The following C12orf42 variants were observed in gnomAD, a reference collection of about 807,000 sequenced individuals.
The protein encoded by C12orf42 is uncharacterized protein C12orf42.
Under a neutral mutation model 21.6 loss-of-function variants are expected in C12orf42, and 25 were observed. The ratio of observed to expected loss-of-function variants is 1.16; its 90% CI spans 0.84 to 1.62. The LOEUF is 1.62. Among genes scored for constraint, C12orf42 ranks in the 40% most tolerant of loss-of-function variants. The pLI is 0.00. For missense variants in C12orf42, 483 were observed against 459.3 expected, an observed-to-expected ratio of 1.05 and a Z score of -0.47; for synonymous variants, 174 against 175.0, an observed-to-expected ratio of 0.99 and a Z score of 0.05.
intron 2 of C12orf42, among the ~76,000 whole-genome samples, chr12:103,403,594 A>T (rs546035355): frequency 6.6e-6 from 1 of 152,290 alleles, no homozygotes; most frequent in East Asian, 1.9e-4. Flanking sequence ...CCTCTGTTGG[A>T]TTATCAGCAT....
chr12:103,467,254 T>C (rs909595837), intron 2 of C12orf42, among the ~76,000 whole-genome samples: 4 of 152,238 alleles, frequency 2.6e-5, no homozygotes, highest in Non-Finnish European at 5.9e-5. Context: ...TTATTAAATA[T>C]GCACATATTG....
chr12:103,252,119 C>G (rs189386887), intron 10 of C12orf42, among the ~76,000 whole-genome samples: 60 of 151,886 alleles, frequency 4.0e-4, no homozygotes, highest in Middle Eastern at 3.4e-3. Flanking sequence ...CTCTCTCCCC[C>G]CAAAAATTCT....
chr12:103,488,917 G>A (rs1278606087), intron 1 of C12orf42, among the ~76,000 whole-genome samples: 1 of 152,130 alleles, frequency 6.6e-6, no homozygotes, highest in Non-Finnish European at 1.5e-5. Context: ...GCTTAGAGAA[G>A]TTATTAAAGA....
intron 10 of C12orf42, among the ~76,000 whole-genome samples, chr12:103,261,196 T>G (rs2034882715): frequency 6.6e-6 from 1 of 152,094 alleles, no homozygotes; most frequent in African/African-American, 2.4e-5. Context: ...TGGGGCCAGA[T>G]GCAGTGGCTC....
chr12:103,353,918 T>C (rs557939370), intron 4 of C12orf42, among the ~76,000 whole-genome samples: 1 of 152,242 alleles, frequency 6.6e-6, no homozygotes, highest in South Asian at 2.1e-4. Flanking sequence ...ACTTTGGATA[T>C]GCCAAAGAAA....
intron 2 of C12orf42, among the ~76,000 whole-genome samples, chr12:103,452,066 G>A (rs1376669945): frequency 1.3e-5 from 2 of 151,812 alleles, no homozygotes; most frequent in Non-Finnish European, 2.9e-5. Flanking sequence ...GCCAGATGAA[G>A]CCAAACTTAT....
At chr12:103,256,803 A>T (rs980610721) in intron 10 of C12orf42, among the ~76,000 whole-genome samples, 2 of 152,324 alleles carry the variant, frequency 1.3e-5, no homozygotes, top group South Asian at 4.1e-4. Flanking sequence ...GTTGGGGAAG[A>T]TAACCAAGAA....
At chr12:103,288,334 A>G (rs923516396) in intron 4 of C12orf42, among the ~76,000 whole-genome samples, 2 of 152,182 alleles carry the variant, frequency 1.3e-5, no homozygotes, top group Non-Finnish European at 1.5e-5. Flanking sequence ...TTCAGTGCAA[A>G]TTGTGTAGAG....
intron 4 of C12orf42, among the ~76,000 whole-genome samples, chr12:103,363,064 A>G (rs2044256438): frequency 6.6e-6 from 1 of 152,140 alleles, no homozygotes; most frequent in Non-Finnish European, 1.5e-5. Flanking sequence ...CCTAAAGTCA[A>G]GATAAAGGAA....
the C12orf42 span, among the ~76,000 whole-genome samples, chr12:103,147,503 C>CTTTTTTTTTTTTTTTTTTTTT: frequency 2.0e-5 from 2 of 99,962 alleles, no homozygotes; most frequent in African/African-American, 4.0e-5. Flanking sequence ...CTTTTTTTTT[C>CTTTTTTTTTTTTTTTTTTTTT]TTTTTTTTTT....
At chr12:103,289,345 G>T (rs2036655088) in intron 4 of C12orf42, among the ~76,000 whole-genome samples, 1 of 152,004 alleles carries the variant, frequency 6.6e-6, no homozygotes, top group African/African-American at 2.4e-5. Flanking sequence ...CATTTTTTAA[G>T]TTCTGTGAGT....
At chr12:103,376,706 A>G (rs2045728332) in intron 3 of C12orf42, among the ~76,000 whole-genome samples, 1 of 152,034 alleles carries the variant, frequency 6.6e-6, no homozygotes, top group African/African-American at 2.4e-5. Context: ...ATCTCTGAAA[A>G]CTTTTATGAT....
intron 2 of C12orf42, among the ~76,000 whole-genome samples, chr12:103,471,147 C>T (rs984360008): frequency 1.3e-5 from 2 of 152,148 alleles, no homozygotes. Context: ...TTGTGGGCTA[C>T]CAGTGTCCCC....
chr12:103,513,973 A>T, the C12orf42 span, among the ~76,000 whole-genome samples: 1 of 152,260 alleles, frequency 6.6e-6, no homozygotes, highest in Non-Finnish European at 1.5e-5. Flanking sequence ...TTGTGAATAA[A>T]GACAAAACCG....
At chr12:103,545,651 AC>A in the C12orf42 span, among the ~76,000 whole-genome samples, 1 of 152,250 alleles carries the variant, frequency 6.6e-6, no homozygotes, top group Non-Finnish European at 1.5e-5. Flanking sequence ...TTTAGGTGTT[AC>A]CTTGCTCAGC....
At chr12:103,560,110 C>G in the C12orf42 span, among the ~76,000 whole-genome samples, 1 of 152,140 alleles carries the variant, frequency 6.6e-6, no homozygotes, top group Non-Finnish European at 1.5e-5. Context: ...AATAAAAGCC[C>G]TTTATAATTT....
At chr12:103,522,807 T>A in the C12orf42 span, among the ~76,000 whole-genome samples, 3 of 152,190 alleles carry the variant, frequency 2.0e-5, no homozygotes, top group Non-Finnish European at 4.4e-5. Flanking sequence ...AAACAAGTCC[T>A]CATCTCAGAC....
downstream of C12orf42, among the ~76,000 whole-genome samples, chr12:103,297,136 T>C (rs2037344936): frequency 6.6e-6 from 1 of 152,216 alleles, no homozygotes; most frequent in Non-Finnish European, 1.5e-5. Context: ...CCATTTCTTG[T>C]TTTTGTCAGG....
intron 10 of C12orf42, among the ~76,000 whole-genome samples, chr12:103,260,870 C>T (rs1336713376): frequency 6.6e-6 from 1 of 152,132 alleles, no homozygotes; most frequent in East Asian, 1.9e-4. Flanking sequence ...TATTTCTAAA[C>T]TCTGATTTAG....
Sources: allele counts gnomAD v4.1 joint callset (sites outside exome capture counted in the v4.1 genomes callset), GRCh38; gene constraint gnomAD v4.1.1; transcripts MANE v1.5; gene names NCBI Gene and HGNC (gene_info 2026-07-23, HGNC 2026-07-21).